The following FBP2 variants were observed in gnomAD, a reference collection of about 807,000 sequenced individuals.
FBP2 encodes fructose-bisphosphatase 2.
Under a neutral mutation model 31.6 loss-of-function variants are expected in FBP2, and 27 were observed. The ratio of observed to expected loss-of-function variants is 0.85; its 90% confidence interval spans 0.63 to 1.18. The LOEUF (loss-of-function observed/expected upper bound fraction) is 1.18, where lower values mean the gene tolerates loss of function less well. FBP2 is among the 50% of genes most tolerant of loss of function. The pLI is 0.00. For missense variants in FBP2, 421 were observed against 436.1 expected (o/e 0.97, Z 0.31); for synonymous variants, 168 against 179.8 (o/e 0.93, Z 0.53).
chr9:94,593,553 T>A lies in FBP2; in HGVS notation c.170+4A>T, dbSNP rs1827524137. On this transcript the variant is annotated splice_donor_region_variant and intron_variant, in intron 1 of 6. Coordinates refer to ENST00000375337, the MANE Select transcript of FBP2 (RefSeq NM_003837.4). Reference sequence around the variant, plus strand: ...GTGCCCCATGCCTGCTCCCCAGGACTCACAGGTGGGCCAGACCGGCCTTGC... The same window carrying A: ...GTGCCCCATGCCTGCTCCCCAGGACACACAGGTGGGCCAGACCGGCCTTGC... 6.2e-7 allele frequency: 1 copy of A among 1,612,486 alleles called. No homozygotes were observed. The highest frequency in any genetic ancestry group is 2.2e-5 in the East Asian group (1 of 44,846).
chr9:94,575,991 C>T (rs780828932), intron 3 of FBP2, among the ~76,000 whole-genome samples: 1 of 152,186 alleles, frequency 6.6e-6, no homozygotes, highest in African/African-American at 2.4e-5. Context: ...ATACTCCCTG[C>T]ACATTTAGCT....
chr9:94,593,264 A>G (rs1469810078), intron 1 of FBP2, among the ~76,000 whole-genome samples: 1 of 152,264 alleles, frequency 6.6e-6, no homozygotes, highest in Non-Finnish European at 1.5e-5. Context: ...AGTACAAGTC[A>G]TGATAACACA....
chr9:94,564,460 A>G (rs749114015), intron 5 of FBP2, among the ~76,000 whole-genome samples: 1 of 152,228 alleles, frequency 6.6e-6, no homozygotes, highest in Non-Finnish European at 1.5e-5. Flanking sequence ...ACATATACAC[A>G]ATGGAATACT....
chr9:94,566,342 C>G (rs967102416), intron 5 of FBP2, among the ~76,000 whole-genome samples: 1 of 152,236 alleles, frequency 6.6e-6, no homozygotes, highest in Non-Finnish European at 1.5e-5. Flanking sequence ...ACACCTGGCC[C>G]GCCCAGGGTG....
At position 94,586,093 on chromosome 9, in the gene FBP2, G is replaced by A. The variant is rs602606; in HGVS notation, c.333+1214C>T. 7.4e-3 allele frequency among the ~76,000 whole-genome samples: 1,121 copies of A among 152,104 alleles called. 6 individuals carry two copies. Among genetic ancestry groups the A allele is most frequent in the Non-Finnish European group, 0.01 (713 of 67,942 alleles). On this transcript the variant is annotated intron_variant, in intron 2 of 6. Transcript: ENST00000375337. ...GTTTGGAGTATTCAAGAGCTGCCAC[G>A]GGCCAGGCATGGTGGCTCACGCCTG... is the stretch of plus-strand genomic sequence containing the variant.
chr9:94,578,584 A>G (rs1827340875), intron 3 of FBP2, among the ~76,000 whole-genome samples: 1 of 152,068 alleles, frequency 6.6e-6, no homozygotes, highest in Non-Finnish European at 1.5e-5. Flanking sequence ...CTAATTTACA[A>G]TAAAATATGG....
chr9:94,588,179 T>G (rs1047290423), intron 1 of FBP2, among the ~76,000 whole-genome samples: 1 of 152,152 alleles, frequency 6.6e-6, no homozygotes, highest in African/African-American at 2.4e-5. Flanking sequence ...TCTTTGTGGA[T>G]TGTCCTCACA....
chr9:94,591,044 C>T (rs1200568102), intron 1 of FBP2, among the ~76,000 whole-genome samples: 1 of 152,090 alleles, frequency 6.6e-6, no homozygotes, highest in African/African-American at 2.4e-5. Context: ...AAAGACTCTC[C>T]ACGTCCCCAC....
At chr9:94,574,281 C>T (rs1312723397) in intron 3 of FBP2, among the ~76,000 whole-genome samples, 1 of 152,082 alleles carries the variant, frequency 6.6e-6, no homozygotes, top group Admixed American at 6.5e-5. Context: ...TATACTTTTA[C>T]CACTAATAAT....
intron 2 of FBP2, 64 bp downstream of exon 2, chr9:94,587,243 C>T: frequency 8.5e-6 from 12 of 1,404,238 alleles, no homozygotes; most frequent in South Asian, 1.3e-5. Context: ...AAAAGTAAGG[C>T]AGCTTATTTC....
chr9:94,565,268 G>A (rs184614454), intron 5 of FBP2, among the ~76,000 whole-genome samples: 14 of 151,502 alleles, frequency 9.2e-5, no homozygotes, highest in African/African-American at 2.7e-4. Flanking sequence ...CCAGCTACTC[G>A]GGAGGCTGAG....
At chr9:94,570,456 C>T (rs749324897) in intron 4 of FBP2, 1 of 152,218 alleles carries the variant, frequency 6.6e-6, no homozygotes, top group Non-Finnish European at 1.5e-5. Context: ...GCCACTGTGA[C>T]ATTTAAATGC....
At chr9:94,580,628 T>C (rs1266238588) in intron 3 of FBP2, among the ~76,000 whole-genome samples, 1 of 152,254 alleles carries the variant, frequency 6.6e-6, no homozygotes, top group Non-Finnish European at 1.5e-5. Flanking sequence ...TTAACATCTT[T>C]AACTTTTTCA....
At chr9:94,561,460 T>C (rs1827101758) in intron 6 of FBP2, among the ~76,000 whole-genome samples, 1 of 142,964 alleles carries the variant, frequency 7.0e-6, no homozygotes, top group African/African-American at 2.6e-5. Context: ...CCTCCCAGGT[T>C]CACGCCATTC....
intron 6 of FBP2, 76 bp from the exon 7 acceptor site, chr9:94,559,208 G>A (rs971557153): frequency 1.5e-6 from 2 of 1,366,560 alleles, no homozygotes; most frequent in African/African-American, 1.4e-5. Flanking sequence ...AAAGCTGGGG[G>A]AGGAGTTTGT....
chr9:94,565,063 A>C (rs1288419883), intron 5 of FBP2, among the ~76,000 whole-genome samples: 2 of 152,192 alleles, frequency 1.3e-5, no homozygotes, highest in Non-Finnish European at 2.9e-5. Context: ...ATGTACAATT[A>C]TTATATGTCA....
intron 2 of FBP2, among the ~76,000 whole-genome samples, chr9:94,586,358 G>A (rs1371142030): frequency 3.3e-5 from 5 of 152,054 alleles, no homozygotes; most frequent in Non-Finnish European, 7.3e-5. Context: ...CTGTCCAGCC[G>A]GGCAGTAGAG....
chr9:94,575,094 T>G (rs187862441), intron 3 of FBP2, among the ~76,000 whole-genome samples: 275 of 152,334 alleles, frequency 1.8e-3, no homozygotes, highest in Middle Eastern at 3.4e-3. Context: ...TTCCTTTTTG[T>G]TGAGGTATAA....
intron 6 of FBP2, among the ~76,000 whole-genome samples, 183 bp downstream of exon 6, chr9:94,563,159 C>T (rs1292742199): frequency 1.3e-5 from 2 of 152,212 alleles, no homozygotes; most frequent in Non-Finnish European, 2.9e-5. Flanking sequence ...CTGTCGCCTT[C>T]TTCTTCAAAC....
Sources: allele counts gnomAD v4.1 joint callset (sites outside exome capture counted in the v4.1 genomes callset), GRCh38; gene constraint gnomAD v4.1.1; transcripts MANE v1.5; gene names NCBI Gene and HGNC (gene_info 2026-07-23, HGNC 2026-07-21).